Variants in AEBP2 observed in about 807,000 individuals in gnomAD.
AEBP2 encodes the protein zinc finger protein AEBP2.
A neutral mutation model predicts 50.8 loss-of-function variants in AEBP2; 10 were observed. The ratio of observed to expected loss-of-function variants is 0.20; its 90% CI spans 0.12 to 0.33. The LOEUF is 0.33. Among genes scored for constraint, AEBP2 ranks in the 10% least tolerant of loss-of-function variants. The probability of loss-of-function intolerance (pLI) is 1.00; values close to 1 mark genes in which losing one functional copy is unlikely to be tolerated. For missense variants in AEBP2, 570 were observed against 688.0 expected (o/e 0.83, Z 1.92); for synonymous variants, 296 against 261.3 (o/e 1.13, Z -1.28).
chr12:19,425,994 T>C (rs1379449852), intron 1 of AEBP2, among the ~76,000 whole-genome samples: 3 of 152,068 alleles, frequency 2.0e-5, no homozygotes, highest in Non-Finnish European at 2.9e-5. Context: ...TGGAATGCAG[T>C]GGCACCATCA....
chr12:19,481,221 CT>C (rs1240949880), intron 3 of AEBP2, among the ~76,000 whole-genome samples: 3 of 150,814 alleles, frequency 2.0e-5, no homozygotes, highest in African/African-American at 7.3e-5. Flanking sequence ...TTGCCTCATC[CT>C]CCCGAGTAAC....
rs144095732 is a variant in AEBP2 at position 19,476,257 on chromosome 12, A to T, written c.987+2902A>T. ...TTTTTGTATAAGGTGAGAAATGAGG[A>T]TCCAGTTTCATTCTTCTACATGTGG... is the stretch of plus-strand genomic sequence containing the variant. On this transcript the variant is annotated intron_variant, in intron 3 of 7. Coordinates refer to ENST00000266508, the MANE Select transcript of AEBP2 (RefSeq NM_153207.5). 1.3e-4 allele frequency among the ~76,000 whole-genome samples: 20 copies of T among 152,272 alleles called. 1 individual carries two copies. The East Asian group carries it at 3.9e-3, about 29-fold the overall frequency.
chr12:19,491,069 T>C (rs73072879), intron 3 of AEBP2, among the ~76,000 whole-genome samples: 273 of 152,302 alleles, frequency 1.8e-3, no homozygotes, highest in Admixed American at 2.1e-3. Context: ...TGAGTAGCAA[T>C]ATTTGGCTAG....
chr12:19,503,294 A>C (rs1949109387), intron 5 of AEBP2, among the ~76,000 whole-genome samples: 1 of 151,526 alleles, frequency 6.6e-6, no homozygotes, highest in South Asian at 2.1e-4. Flanking sequence ...CTCCTTGTAG[A>C]GATTGTTTAC....
chr12:19,514,757 C>T lies in AEBP2; in HGVS notation c.1454C>T (p.Ala485Val). ...TTATCAAAGCTACCCAAAGATACTGCCTTGCTTTTGGACCCAAACATATAC... is the reference window on the plus strand; with the variant it reads ...TTATCAAAGCTACCCAAAGATACTGTCTTGCTTTTGGACCCAAACATATAC... ...VHLSKLPKDT[A>V]LLLDPNIYRT... The change falls in exon 7 of 8, where the codon GCC (alanine) becomes GTC (valine). Residue 485 changes from alanine to valine, a missense_variant. Ala to Val is a moderately conservative substitution (Grantham distance 64). Around this residue, in one of 2 missense-constraint regions of AEBP2, gnomAD observed 184 missense variants for 351.2 expected, o/e 0.52. Coordinates refer to ENST00000266508, the MANE Select transcript of AEBP2 (RefSeq NM_153207.5). 1 of 1,611,174 alleles carries T rather than the reference C, an allele frequency of 6.2e-7. No individual in the cohort carries two copies. Among genetic ancestry groups the T allele is most frequent in the Non-Finnish European group, 8.5e-7 (1 of 1,178,648 alleles).
chr12:19,516,602 G>C (rs1949322034), intron 7 of AEBP2, among the ~76,000 whole-genome samples: 1 of 152,110 alleles, frequency 6.6e-6, no homozygotes, highest in African/African-American at 2.4e-5. Context: ...AAGTGCATAG[G>C]AACAATGTTG....
At chr12:19,421,974 T>G (rs1189368405) in intron 1 of AEBP2, among the ~76,000 whole-genome samples, 7 of 151,946 alleles carry the variant, frequency 4.6e-5, no homozygotes, top group African/African-American at 1.7e-4. Flanking sequence ...AAACCCCACC[T>G]CTATTAAAAA....
Position 19,483,541 on chromosome 12 carries a change from C to T in AEBP2, c.987+10186C>T, listed in dbSNP as rs1020222868. ...GGGTGGTTCTTGAAGCAAAAGTTCA[C>T]GGTGCGAGTCTCCACATGGTGTTCT... On this transcript the variant is annotated intron_variant, in intron 3 of 7. Transcript: ENST00000266508. Among the ~76,000 whole-genome samples, 12 of 152,146 alleles carry T rather than the reference C, an allele frequency of 7.9e-5. No homozygotes were observed. In the East Asian group the frequency reaches 1.3e-3, roughly 17 times the overall value.
intron 2 of AEBP2, among the ~76,000 whole-genome samples, chr12:19,464,324 A>G (rs1407431431): frequency 1.3e-5 from 2 of 152,230 alleles, no homozygotes; most frequent in African/African-American, 2.4e-5. Flanking sequence ...GTCACTTGGT[A>G]TATACCATTT....
upstream of AEBP2, among the ~76,000 whole-genome samples, chr12:19,438,012 T>TG (rs1391819083): frequency 6.6e-6 from 1 of 152,216 alleles, no homozygotes; most frequent in Non-Finnish European, 1.5e-5. Flanking sequence ...GGGTGTAATG[T>TG]GGGCTCTTTT....
intron 3 of AEBP2, among the ~76,000 whole-genome samples, chr12:19,483,713 G>A (rs750254023): frequency 6.6e-6 from 1 of 151,968 alleles, no homozygotes; most frequent in Non-Finnish European, 1.5e-5. Flanking sequence ...CAGCTTCATC[G>A]CTTTCCATTG....
rs748693657 is a variant in AEBP2, at chr12:19,518,662, T to G, written c.*545T>G. On this transcript the variant is annotated 3_prime_UTR_variant, in exon 8 of 8. Transcript: ENST00000266508. ...AATAGATGTGATTGGTTGCCATTTG[T>G]GTTCTTTTGCAGAACTCTGATAAGA... 1 of 1,471,708 alleles carries G rather than the reference T, an allele frequency of 6.8e-7. No homozygotes were observed. The highest frequency in any genetic ancestry group is 1.3e-5 in the South Asian group (1 of 74,298). 91.2% of individuals were successfully genotyped at this position (1,471,708 alleles called of 1,614,324 possible).
rs997785192 is a variant in AEBP2 at position 19,509,341 on chromosome 12, C to G, written c.1300-3057C>G. ...ATGCTTTTGGTTGGCTAAGCTAAGC[C>G]ACATACTTAGTAAAACAAATGGCAT... is the stretch of plus-strand genomic sequence containing the variant. On this transcript the variant is annotated intron_variant, in intron 5 of 7. Transcript: ENST00000266508. The G allele has an allele frequency of 3.7e-5, 7 of 189,942 alleles. No homozygotes were observed. The South Asian group carries it at 4.7e-4, about 13-fold the overall frequency. 11.8% of individuals were successfully genotyped at this position (189,942 alleles called of 1,614,324 possible). A position where few individuals can be genotyped will look rare whatever the true frequency, so the allele number is the denominator to read the frequency against.
chr12:19,404,714 C>T (rs986710262), intron 1 of AEBP2, among the ~76,000 whole-genome samples: 2 of 152,048 alleles, frequency 1.3e-5, no homozygotes, highest in Admixed American at 1.3e-4. Flanking sequence ...GGGTCTGGCT[C>T]GTGGGTGTGG....
chr12:19,476,464 C>A (rs942783746), intron 3 of AEBP2, among the ~76,000 whole-genome samples: 3 of 152,148 alleles, frequency 2.0e-5, no homozygotes, highest in African/African-American at 7.2e-5. Context: ...GCCTCAGACT[C>A]CCGAGTAGCT....
chr12:19,460,598 C>A (rs963213617), intron 1 of AEBP2, among the ~76,000 whole-genome samples: 1 of 151,522 alleles, frequency 6.6e-6, no homozygotes, highest in East Asian at 1.9e-4. Context: ...GTGATCCACC[C>A]ACCTCGGCCT....
chr12:19,410,542 C>T (rs984135083), intron 1 of AEBP2, among the ~76,000 whole-genome samples: 17 of 152,258 alleles, frequency 1.1e-4, no homozygotes, highest in African/African-American at 4.8e-5. Flanking sequence ...GAATACCCTG[C>T]GCTCTCCCTA....
At chr12:19,409,847 A>T (rs11044535) in intron 1 of AEBP2, among the ~76,000 whole-genome samples, 171 of 152,304 alleles carry the variant, frequency 1.1e-3, no homozygotes, top group Middle Eastern at 3.4e-3. Flanking sequence ...TAGGCTTTGT[A>T]CTTAATTACC....
intron 6 of AEBP2, 110 bp from the exon 7 acceptor site, chr12:19,514,561 C>A: frequency 1.4e-6 from 1 of 736,622 alleles, no homozygotes. Context: ...AACTTGTTCA[C>A]TTAACGTGGA....
Sources: gnomAD v4.1 joint callset for allele counts (sites outside exome capture counted in the v4.1 genomes callset) on GRCh38, gnomAD v4.1.1 for gene constraint, gnomAD v4.1.1 regional missense constraint, MANE v1.5 for transcripts, NCBI Gene and HGNC (gene_info 2026-07-23, HGNC 2026-07-21) for gene names.